The following C2orf66 variants were observed in gnomAD, a reference collection of about 807,000 sequenced individuals.
The protein encoded by C2orf66 is uncharacterized protein C2orf66.
In C2orf66, 6 loss-of-function variants were observed where a neutral mutation model predicts 7.0. The ratio of observed to expected loss-of-function variants is 0.86; its 90% confidence interval spans 0.47 to 1.69. The LOEUF is 1.69. Ranked by LOEUF, C2orf66 falls within the 40% of genes most tolerant of loss-of-function variation. The pLI is 0.01. For missense variants in C2orf66, 107 were observed against 112.0 expected (o/e 0.96, Z 0.20); for synonymous variants, 38 against 43.8 (o/e 0.87, Z 0.52).
At chr2:196,809,517 G>A (rs1054185982), upstream of C2orf66, 6 of 784,412 alleles carry the variant, frequency 7.6e-6, no homozygotes, top group Non-Finnish European at 1.2e-5. Context: ...TTCTAAATGA[G>A]GACCCCAAAA....
chr2:196,813,241 T>A (rs757065470), upstream of C2orf66, among the ~76,000 whole-genome samples: 1 of 151,970 alleles, frequency 6.6e-6, no homozygotes, highest in Non-Finnish European at 1.5e-5. Flanking sequence ...TATAGACCAA[T>A]GGAACAGAAC....
At chr2:196,814,790 T>C in the C2orf66 span, among the ~76,000 whole-genome samples, 1 of 152,184 alleles carries the variant, frequency 6.6e-6, no homozygotes. Context: ...TATAAAAACA[T>C]AGTTCATCTG....
chr2:196,829,017 A>T, the C2orf66 span, among the ~76,000 whole-genome samples: 2 of 152,182 alleles, frequency 1.3e-5, no homozygotes, highest in Admixed American at 6.5e-5. Flanking sequence ...AGCAGTTAAA[A>T]TTGTAGTCTT....
chr2:196,821,609 C>T, the C2orf66 span, among the ~76,000 whole-genome samples: 2 of 152,066 alleles, frequency 1.3e-5, no homozygotes, highest in South Asian at 2.1e-4. Context: ...CTTTTTGATA[C>T]AAAAGGGATG....
At chr2:196,826,277 C>T in the C2orf66 span, among the ~76,000 whole-genome samples, 21 of 152,300 alleles carry the variant, frequency 1.4e-4, no homozygotes, top group Non-Finnish European at 2.8e-4. Flanking sequence ...AGTTGTTGAT[C>T]ATGGCACTAT....
upstream of C2orf66, chr2:196,809,694 A>G: frequency 4.8e-6 from 1 of 207,462 alleles, no homozygotes; most frequent in Non-Finnish European, 9.7e-6. Context: ...ATAACAAAAA[A>G]CAAAACCTTA....
the C2orf66 span, among the ~76,000 whole-genome samples, chr2:196,820,169 G>A: frequency 1.3e-5 from 2 of 152,144 alleles, no homozygotes; most frequent in African/African-American, 4.8e-5. Context: ...AGGAGTTAAA[G>A]GACATTAGAA....
At chr2:196,808,721 A>G (rs1405302875) in intron 1 of C2orf66, among the ~76,000 whole-genome samples, 2 of 152,178 alleles carry the variant, frequency 1.3e-5, no homozygotes, top group African/African-American at 4.8e-5. Flanking sequence ...GATCTTTTGA[A>G]TTCTATTTTA....
the C2orf66 span, among the ~76,000 whole-genome samples, chr2:196,815,376 T>C: frequency 1.3e-5 from 2 of 152,328 alleles, no homozygotes; most frequent in African/African-American, 2.4e-5. Flanking sequence ...GTAGATATTT[T>C]ATAATTATTT....
chr2:196,819,609 T>C, the C2orf66 span, among the ~76,000 whole-genome samples: 921 of 152,332 alleles, frequency 6.0e-3, 9 homozygotes, highest in Non-Finnish European at 9.3e-3. Context: ...TGTTTCCACT[T>C]GGCTCATGGT....
intron 1 of C2orf66, among the ~76,000 whole-genome samples, chr2:196,808,005 A>G (rs1230202176): frequency 6.6e-6 from 1 of 152,204 alleles, no homozygotes; most frequent in Admixed American, 6.5e-5. Flanking sequence ...GCCTTCTGCA[A>G]TAGTTTCTTT....
At chr2:196,812,621 T>C (rs1304140812), upstream of C2orf66, among the ~76,000 whole-genome samples, 2 of 152,094 alleles carry the variant, frequency 1.3e-5, no homozygotes, top group African/African-American at 2.4e-5. Flanking sequence ...TGTATTCAAT[T>C]AGGAAAAGAG....
the C2orf66 span, among the ~76,000 whole-genome samples, chr2:196,822,293 T>C: frequency 6.6e-6 from 1 of 152,278 alleles, no homozygotes; most frequent in African/African-American, 2.4e-5. Flanking sequence ...TCCAAAATGA[T>C]AGTTCATTCC....
At chr2:196,821,920 C>A in the C2orf66 span, among the ~76,000 whole-genome samples, 1 of 136,024 alleles carries the variant, frequency 7.4e-6, no homozygotes, top group African/African-American at 2.7e-5. Context: ...TGAAATAGAA[C>A]CAGTGAGCTT....
the C2orf66 span, among the ~76,000 whole-genome samples, chr2:196,819,746 A>G: frequency 3.9e-5 from 6 of 152,204 alleles, no homozygotes; most frequent in Non-Finnish European, 7.3e-5. Flanking sequence ...TGTTTATGGA[A>G]TTAAAAATTC....
the C2orf66 span, among the ~76,000 whole-genome samples, chr2:196,831,021 C>T: frequency 4.7e-3 from 714 of 152,210 alleles, 2 homozygotes; most frequent in Non-Finnish European, 7.9e-3. Context: ...GCCAAAAGAC[C>T]AAAGGCTTAC....
At chr2:196,814,098 T>C (rs1699901486), upstream of C2orf66, among the ~76,000 whole-genome samples, 1 of 152,210 alleles carries the variant, frequency 6.6e-6, no homozygotes, top group Non-Finnish European at 1.5e-5. Flanking sequence ...TTACAAATCA[T>C]GCTACTATAA....
At chr2:196,832,114 G>A in the C2orf66 span, 3 of 152,164 alleles carry the variant, frequency 2.0e-5, no homozygotes, top group Non-Finnish European at 4.4e-5. Context: ...CAGCACTCTG[G>A]GAGGCCGAGG....
At chr2:196,807,379 G>A (rs1699829410) in intron 2 of C2orf66, 45 bp downstream of exon 2, 1 of 1,087,902 alleles carries the variant, frequency 9.2e-7, no homozygotes, top group African/African-American at 1.6e-5. Context: ...CTTTATGGCT[G>A]ACTTGTATGT....
Sources: gnomAD v4.1 joint callset for allele counts (sites outside exome capture counted in the v4.1 genomes callset) on GRCh38, gnomAD v4.1.1 for gene constraint, MANE v1.5 for transcripts, NCBI Gene and HGNC (gene_info 2026-07-23, HGNC 2026-07-21) for gene names.